The following LIN7A variants were observed in gnomAD, a reference collection of about 807,000 sequenced individuals.
LIN7A encodes protein lin-7 homolog A.
LIN7A carries 25 observed loss-of-function variants against 29.8 expected under a neutral mutation model. The observed-to-expected ratio is 0.84, with a 90% CI of 0.61 to 1.17. The LOEUF (loss-of-function observed/expected upper bound fraction) is 1.17, where lower values mean the gene tolerates loss of function less well. LIN7A is among the 50% of genes most tolerant of loss of function. The probability of loss-of-function intolerance (pLI) is 0.00; values close to 1 mark genes in which losing one functional copy is unlikely to be tolerated. For missense variants in LIN7A, 239 were observed against 287.0 expected, an observed-to-expected ratio of 0.83 and a Z score of 1.21; for synonymous variants, 118 against 107.5, an observed-to-expected ratio of 1.10 and a Z score of -0.60.
At chr12:80,870,706 A>C (rs1874384686) in intron 2 of LIN7A, among the ~76,000 whole-genome samples, 1 of 152,242 alleles carries the variant, frequency 6.6e-6, no homozygotes, top group South Asian at 2.1e-4. Context: ...GAAATTATGA[A>C]CAGGAGAAAA....
At chr12:80,882,655 A>AAT (rs1565914437) in intron 2 of LIN7A, among the ~76,000 whole-genome samples, 2 of 152,146 alleles carry the variant, frequency 1.3e-5, no homozygotes, top group Non-Finnish European at 2.9e-5. Flanking sequence ...GGCCATTCAG[A>AAT]ATAATAGTCA....
chr12:80,892,199 T>C (rs1004923393), intron 1 of LIN7A, among the ~76,000 whole-genome samples: 2 of 152,208 alleles, frequency 1.3e-5, no homozygotes, highest in Non-Finnish European at 2.9e-5. Flanking sequence ...ATCTCATTCA[T>C]TGCATCCACA....
chr12:80,907,761 T>C (rs1198600243), intron 1 of LIN7A, among the ~76,000 whole-genome samples: 1 of 151,942 alleles, frequency 6.6e-6, no homozygotes, highest in Non-Finnish European at 1.5e-5. Flanking sequence ...GAATGGAAAA[T>C]GAAGAATGCT....
intron 5 of LIN7A, among the ~76,000 whole-genome samples, chr12:80,808,356 G>A (rs970139719): frequency 1.3e-5 from 2 of 151,968 alleles, no homozygotes; most frequent in Admixed American, 6.6e-5. Context: ...TTGTTTATTT[G>A]TTTATTAACT....
chr12:80,857,329 A>T (rs1873654239), intron 2 of LIN7A, among the ~76,000 whole-genome samples: 1 of 152,138 alleles, frequency 6.6e-6, no homozygotes, highest in South Asian at 2.1e-4. Context: ...GGTGCTTTCC[A>T]TGCTGATAGC....
At chr12:80,923,335 A>G (rs11114655) in intron 1 of LIN7A, among the ~76,000 whole-genome samples, 18,639 of 151,994 alleles carry the variant, frequency 0.12, 2,442 homozygotes, top group African/African-American at 0.31. Context: ...CTCAGCCTCC[A>G]TAATTGTGTG....
intron 4 of LIN7A, among the ~76,000 whole-genome samples, chr12:80,841,357 AAGGAAGGAAG>A (rs1343600823): frequency 6.7e-4 from 51 of 76,066 alleles, no homozygotes; most frequent in African/African-American, 1.9e-3. Context: ...GGAAGGAAGG[AAGGAAGGAAG>A]GAAGGAAGGA....
intron 5 of LIN7A, among the ~76,000 whole-genome samples, chr12:80,803,237 T>C (rs1447417742): frequency 2.0e-5 from 3 of 152,182 alleles, no homozygotes; most frequent in Non-Finnish European, 4.4e-5. Context: ...TTTCTTTCAT[T>C]TTCGTCTAGT....
At chr12:80,882,648 C>G (rs1263653913) in intron 2 of LIN7A, among the ~76,000 whole-genome samples, 1 of 152,110 alleles carries the variant, frequency 6.6e-6, no homozygotes, top group Non-Finnish European at 1.5e-5. Context: ...GTAGCTAGGC[C>G]ATTCAGAATA....
intron 4 of LIN7A, among the ~76,000 whole-genome samples, chr12:80,823,823 T>C (rs1871931598): frequency 6.6e-6 from 1 of 152,202 alleles, no homozygotes; most frequent in African/African-American, 2.4e-5. Context: ...ATCTTTGAAC[T>C]GAATAATAAT....
intron 4 of LIN7A, among the ~76,000 whole-genome samples, chr12:80,835,323 C>G (rs1333600812): frequency 1.3e-5 from 2 of 152,078 alleles, no homozygotes; most frequent in Non-Finnish European, 2.9e-5. Flanking sequence ...TATCATTTCT[C>G]TTTTTTATCC....
intron 5 of LIN7A, among the ~76,000 whole-genome samples, chr12:80,801,933 G>A (rs1043090730): frequency 2.8e-4 from 40 of 142,244 alleles, no homozygotes; most frequent in African/African-American, 9.5e-4. Context: ...GTCTTCCTCC[G>A]TTGCCCAAGC....
chr12:80,816,058 T>C (rs1871515240), intron 4 of LIN7A, among the ~76,000 whole-genome samples: 1 of 152,190 alleles, frequency 6.6e-6, no homozygotes. Context: ...ATTCCCATCC[T>C]GAAAATGCTT....
intron 5 of LIN7A, among the ~76,000 whole-genome samples, chr12:80,804,542 T>TA (rs1565882661): frequency 8.5e-6 from 1 of 117,476 alleles, no homozygotes; most frequent in Admixed American, 9.5e-5. Flanking sequence ...ATTACTGAAT[T>TA]TTTTTTTTTT....
chr12:80,878,125 A>G (rs1000494378), intron 2 of LIN7A, among the ~76,000 whole-genome samples: 4 of 152,200 alleles, frequency 2.6e-5, no homozygotes, highest in African/African-American at 9.6e-5. Flanking sequence ...TAATGACACT[A>G]ACAGCCTTCA....
At chr12:80,811,709 A>C in intron 4 of LIN7A, 26 bp from the exon 5 acceptor site, 1 of 1,586,312 alleles carries the variant, frequency 6.3e-7, no homozygotes, top group South Asian at 1.1e-5. Flanking sequence ...CACTTCTTAA[A>C]GGGAGGAGGT....
intron 1 of LIN7A, among the ~76,000 whole-genome samples, chr12:80,916,899 A>G (rs1275664578): frequency 2.0e-5 from 3 of 152,228 alleles, no homozygotes; most frequent in Non-Finnish European, 4.4e-5. Context: ...CAAATATTTG[A>G]TAAAAACCTA....
In LIN7A at chr12:80,845,763, T is replaced by A; in HGVS notation, c.450A>T (p.Lys150Asn). The A allele has an allele frequency of 1.2e-6, 2 of 1,613,946 alleles. No homozygotes were observed. The highest frequency in any genetic ancestry group is 1.7e-6 in the Non-Finnish European group (2 of 1,179,922). The change falls in exon 4 of 6, where the codon AAA becomes AAT. Residue 150 changes from lysine to asparagine, a missense_variant. Transcript: ENST00000552864. ...GGVAERHGGLKRGDQLLSVNG... is the reference protein window; with the variant it reads ...GGVAERHGGLNRGDQLLSVNG... The stretch of plus-strand genomic sequence containing the variant: ...TCACTGATAGCAGCTGGTCTCCTCT[T>A]TTGAGGCCTCCGTGTCTTTCAGCCA...
chr12:80,915,847 G>C (rs1877005394), intron 1 of LIN7A, among the ~76,000 whole-genome samples: 1 of 152,150 alleles, frequency 6.6e-6, no homozygotes, highest in Non-Finnish European at 1.5e-5. Flanking sequence ...TGGACATAAA[G>C]ATGGGAACAA....
Sources: allele counts gnomAD v4.1 joint callset (sites outside exome capture counted in the v4.1 genomes callset), GRCh38; gene constraint gnomAD v4.1.1; transcripts MANE v1.5; gene names NCBI Gene and HGNC (gene_info 2026-07-23, HGNC 2026-07-21).